GALNTL6: variants seen among roughly 807,000 people sequenced by gnomAD.
The protein encoded by GALNTL6 is polypeptide N-acetylgalactosaminyltransferase-like 6.
GALNTL6 carries 46 observed loss-of-function variants against 73.7 expected under a neutral mutation model. The observed-to-expected ratio is 0.62, with a 90% confidence interval of 0.49 to 0.80. The LOEUF is 0.80. GALNTL6 is among the 30% of genes least tolerant of loss of function. The pLI, the probability that GALNTL6 is intolerant of heterozygous loss-of-function variation, is 0.00. For synonymous variants in GALNTL6, 259 were observed against 263.7 expected (o/e 0.98, Z 0.17); for missense variants, 604 against 755.0 (o/e 0.80, Z 2.34).
chr4:172,094,523 A>G (rs1231967154), intron 2 of GALNTL6, among the ~76,000 whole-genome samples: 5 of 152,122 alleles, frequency 3.3e-5, no homozygotes, highest in African/African-American at 9.7e-5. Flanking sequence ...AACAGTCCTA[A>G]AGAAAGGGAT....
chr4:171,988,098 T>C (rs1040611541), intron 2 of GALNTL6, among the ~76,000 whole-genome samples: 2 of 152,154 alleles, frequency 1.3e-5, no homozygotes, highest in African/African-American at 4.8e-5. Context: ...CTAAAACTAT[T>C]AAAGCAGCAG....
rs375402944 is a variant in GALNTL6 at position 172,624,501 on chromosome 4, C to T, written c.554-184860C>T. Among the ~76,000 whole-genome samples the T allele has an allele frequency of 5.7e-4, 86 of 151,924 alleles. No homozygotes were observed. The South Asian group carries it at 5.8e-3, about 10-fold the overall frequency. On this transcript the variant is annotated intron_variant, in intron 5 of 12. Transcript: ENST00000506823. ...TGAAGAGACTCATTACTTCTGCAAA[C>T]CCCAATTTCAAGTTCCTAGAAGAGA...
intron 2 of GALNTL6, among the ~76,000 whole-genome samples, chr4:171,859,979 G>A (rs1735790821): frequency 6.6e-6 from 1 of 152,198 alleles, no homozygotes. Context: ...AGGGCTCTGA[G>A]GTTATCTCCA....
intron 5 of GALNTL6, among the ~76,000 whole-genome samples, chr4:172,529,350 T>G (rs966787930): frequency 6.6e-5 from 10 of 152,082 alleles, no homozygotes; most frequent in Non-Finnish European, 1.5e-4. Flanking sequence ...TACATTTATT[T>G]TCTATACTAC....
At chr4:171,912,969 T>C (rs1171716608) in intron 2 of GALNTL6, among the ~76,000 whole-genome samples, 1 of 152,228 alleles carries the variant, frequency 6.6e-6, no homozygotes, top group African/African-American at 2.4e-5. Flanking sequence ...GCTTAGGTTA[T>C]TCACATGATT....
chr4:172,414,590 A>G (rs1317889031), intron 5 of GALNTL6, among the ~76,000 whole-genome samples: 5 of 152,280 alleles, frequency 3.3e-5, no homozygotes, highest in South Asian at 2.1e-4. Context: ...TCTTAGCGGC[A>G]CACTGTGGGA....
intron 5 of GALNTL6, among the ~76,000 whole-genome samples, chr4:172,601,515 C>G (rs1738051008): frequency 6.6e-6 from 1 of 152,178 alleles, no homozygotes; most frequent in Non-Finnish European, 1.5e-5. Context: ...TGCTTCCTCT[C>G]TCACGATGGA....
intron 5 of GALNTL6, among the ~76,000 whole-genome samples, chr4:172,737,453 G>T (rs1481291142): frequency 6.6e-6 from 1 of 152,004 alleles, no homozygotes; most frequent in Non-Finnish European, 1.5e-5. Flanking sequence ...ATAGTTGCAA[G>T]ATTTCTGTTT....
intron 7 of GALNTL6, among the ~76,000 whole-genome samples, chr4:172,825,056 C>CTT (rs36147306): frequency 0.011 from 1,247 of 118,308 alleles, 87 homozygotes; most frequent in Middle Eastern, 0.051. Flanking sequence ...ATTCTTTTTT[C>CTT]TTTTTTTTTT....
intron 5 of GALNTL6, among the ~76,000 whole-genome samples, chr4:172,551,890 T>C (rs987816315): frequency 2.0e-5 from 3 of 152,124 alleles, no homozygotes; most frequent in Non-Finnish European, 4.4e-5. Flanking sequence ...AGGTACTCAA[T>C]TCATGCAAGA....
At chr4:172,972,143 A>G (rs1579727062) in intron 10 of GALNTL6, among the ~76,000 whole-genome samples, 1 of 152,202 alleles carries the variant, frequency 6.6e-6, no homozygotes, top group East Asian at 1.9e-4. Context: ...AAAACAACTT[A>G]CATAAGGCAG....
chr4:172,794,219 C>G (rs1236296448), intron 5 of GALNTL6, among the ~76,000 whole-genome samples: 1 of 152,178 alleles, frequency 6.6e-6, no homozygotes, highest in East Asian at 1.9e-4. Context: ...ATTTTACACT[C>G]TTTTGGGAAT....
At chr4:172,529,035 A>ATG (rs1735081833) in intron 5 of GALNTL6, among the ~76,000 whole-genome samples, 1 of 144,112 alleles carries the variant, frequency 6.9e-6, no homozygotes, top group Non-Finnish European at 1.5e-5. Flanking sequence ...ATATATATAT[A>ATG]TCAAGTAGCA....
chr4:172,281,300 C>G (rs1400423999), intron 3 of GALNTL6, among the ~76,000 whole-genome samples: 1 of 152,212 alleles, frequency 6.6e-6, no homozygotes, highest in Non-Finnish European at 1.5e-5. Flanking sequence ...TTCCTAGCTC[C>G]TAGAGACTGC....
chr4:171,939,046 T>C (rs1738440903), intron 2 of GALNTL6, among the ~76,000 whole-genome samples: 1 of 151,722 alleles, frequency 6.6e-6, no homozygotes, highest in African/African-American at 2.4e-5. Flanking sequence ...CTCAATCTCC[T>C]GAACATTTTT....
chr4:171,986,896 G>A (rs1233943334), intron 2 of GALNTL6, among the ~76,000 whole-genome samples: 1 of 152,186 alleles, frequency 6.6e-6, no homozygotes, highest in South Asian at 2.1e-4. Flanking sequence ...TGGCAGTTTG[G>A]GAATAGTACC....
chr4:172,675,343 G>A (rs563616997), intron 5 of GALNTL6, among the ~76,000 whole-genome samples: 11 of 152,320 alleles, frequency 7.2e-5, no homozygotes, highest in Admixed American at 1.3e-4. Context: ...AATCCACTGC[G>A]CTGTGAAGGC....
intron 2 of GALNTL6, among the ~76,000 whole-genome samples, chr4:171,924,414 C>T (rs1737910210): frequency 6.6e-6 from 1 of 152,076 alleles, no homozygotes; most frequent in African/African-American, 2.4e-5. Flanking sequence ...AATGCAAAAA[C>T]TTTGTGGTGG....
At chr4:172,580,631 G>A (rs1579208842) in intron 5 of GALNTL6, among the ~76,000 whole-genome samples, 1 of 152,116 alleles carries the variant, frequency 6.6e-6, no homozygotes, top group African/African-American at 2.4e-5. Flanking sequence ...ATAATCTCAT[G>A]TTTCCCCTTC....
Sources: gnomAD v4.1 joint callset for allele counts (sites outside exome capture counted in the v4.1 genomes callset) on GRCh38, gnomAD v4.1.1 for gene constraint, MANE v1.5 for transcripts, NCBI Gene and HGNC (gene_info 2026-07-23, HGNC 2026-07-21) for gene names.